The following HIP1R variants were observed in gnomAD, a reference collection of about 807,000 sequenced individuals.
HIP1R encodes huntingtin interacting protein 1 related, also known as huntingtin-interacting protein 1-related protein.
A neutral mutation model predicts 144.2 loss-of-function variants in HIP1R; 135 were observed. The observed-to-expected ratio is 0.94, with a 90% CI of 0.81 to 1.08. The LOEUF (loss-of-function observed/expected upper bound fraction) is 1.08. Ranked by LOEUF, HIP1R falls within the 50% of genes least tolerant of loss-of-function variation. The pLI, the probability that HIP1R is intolerant of heterozygous loss-of-function variation, is 0.00. For missense variants in HIP1R, 1,462 were observed against 1,432.8 expected (o/e 1.02, Z -0.33); for synonymous variants, 698 against 612.8 (o/e 1.14, Z -2.05).
chr12:122,854,574 A>G (rs2033504532), intron 8 of HIP1R, among the ~76,000 whole-genome samples: 1 of 152,170 alleles, frequency 6.6e-6, no homozygotes, highest in African/African-American at 2.4e-5. Flanking sequence ...CCTCGACCGC[A>G]CTTTGAGAAC....
chr12:122,842,538 G>GT (rs1176275101), intron 1 of HIP1R, among the ~76,000 whole-genome samples: 1 of 152,210 alleles, frequency 6.6e-6, no homozygotes, highest in Non-Finnish European at 1.5e-5. Flanking sequence ...GAAGGAAGAT[G>GT]TCCCTGTATT....
At chr12:122,855,208 C>T (rs1402676495) in intron 10 of HIP1R, 57 bp from the exon 11 acceptor site, 67 of 1,610,070 alleles carry the variant, frequency 4.2e-5, no homozygotes, top group Middle Eastern at 3.3e-4. Context: ...ATGGAGATGG[C>T]GGAAGGAGGG....
upstream of HIP1R, chr12:122,834,893 TA>T: frequency 8.5e-7 from 1 of 1,182,424 alleles, no homozygotes; most frequent in Admixed American, 2.3e-5. Flanking sequence ...TTTTGACACA[TA>T]CATTAAGACC....
chr12:122,855,645 T>A, intron 12 of HIP1R, 33 bp downstream of exon 12: 1 of 1,546,714 alleles, frequency 6.5e-7, no homozygotes, highest in East Asian at 2.5e-5. Context: ...GGGCTGGGGG[T>A]GGTTGGAAAC....
chr12:122,856,570 G>C (rs1450924151), intron 16 of HIP1R, 22 bp downstream of exon 16: 1 of 1,598,824 alleles, frequency 6.3e-7, no homozygotes, highest in Admixed American at 1.7e-5. Context: ...GTGGCACAGG[G>C]CCCTGCCCCG....
In HIP1R at chr12:122,861,410, G is replaced by A; in HGVS notation, c.3055G>A (p.Gly1019Arg). ...YVLAGASGSP[G>R]EEVAIRPSTA... ...GCTGGCTGGGGCATCAGGCAGCCCT[G>A]GAGAGGAGGTGGCCATCCGGCCCAG... Residue 1019 changes from glycine (G) to arginine (R), a missense_variant, in exon 31 of 32, where the codon GGA becomes AGA. By Grantham distance (125) the Gly-to-Arg change is moderately radical. Transcript: ENST00000253083. 1.2e-6 allele frequency: 2 copies of A among 1,613,506 alleles called. No homozygotes were observed. Among genetic ancestry groups the A allele is most frequent in the Non-Finnish European group, 8.5e-7 (1 of 1,179,896 alleles).
Position 122,861,731 on chromosome 12 carries a change from C to A in HIP1R, c.3185C>A (p.Pro1062Gln). ...CTTGACAAAAAGGATGGCATCTACC[C>A]AGCTCAACTCGTGAACTACTAGGCC... Reference protein sequence around the residue: ...HQLDKKDGIYPAQLVNY With the variant: ...HQLDKKDGIYQAQLVNY Residue 1062 changes from proline to glutamine, a missense_variant, in exon 32 of 32, where the codon CCA (proline) becomes CAA (glutamine). Pro to Gln is a moderately conservative substitution (Grantham distance 76, BLOSUM62 -1). This residue lies in a region of HIP1R where 1,112 missense variants were observed against 1,011.7 expected (regional missense o/e 1.10). Transcript: ENST00000253083. 6.2e-7 allele frequency: 1 copy of A among 1,614,110 alleles called. No individual in the cohort carries two copies. Among genetic ancestry groups the A allele is most frequent in the Non-Finnish European group, 8.5e-7 (1 of 1,180,008 alleles).
rs1190588018 is a variant in HIP1R at position 122,856,506 on chromosome 12, G to A, written c.1476G>A (p.Leu492=). 1 of 1,596,446 alleles carries A rather than the reference G, an allele frequency of 6.3e-7. No homozygotes were observed. Among genetic ancestry groups the A allele is most frequent in the Non-Finnish European group, 8.5e-7 (1 of 1,170,996 alleles). The stretch of plus-strand genomic sequence containing the variant: ...AGGTGGCGCGGGTGAAGGAGCAGCT[G>A]GCCTTCCAGGTGGAGCAGGTGAAGC... ...QEEVARVKEQ[L]AFQVEQVKRE... is the part of the protein sequence containing the mutation. The change falls in exon 16 of 32, where the codon CTG becomes CTA. Residue 492 remains leucine, a synonymous_variant. Coordinates refer to ENST00000253083, the MANE Select transcript of HIP1R (RefSeq NM_003959.3).
chr12:122,854,948 C>T lies in HIP1R; in HGVS notation c.762C>T (p.His254=), dbSNP rs137994880. 1.1e-4 allele frequency: 185 copies of T among 1,612,042 alleles called. No individual in the cohort carries two copies. The highest frequency in any genetic ancestry group is 1.4e-4 in the Non-Finnish European group (170 of 1,179,428). Residue 254 remains histidine (H), a synonymous_variant, in exon 9 of 32, where the codon CAC becomes CAT. Transcript: ENST00000253083. The stretch of plus-strand genomic sequence containing the variant: ...TGCAAGGCCACAGGGACCGGTTCCA[C>T]GAGCAGTTTCACAGGTACTGCCTGG... ...DTLQGHRDRF[H]EQFHSLRNFF...
At position 122,836,540 on chromosome 12, in the gene HIP1R, G is replaced by A. The variant is rs907415981; in HGVS notation, c.93+897G>A. Among the ~76,000 whole-genome samples the A allele has an allele frequency of 6.6e-6, 1 of 152,128 alleles. No individual in the cohort carries two copies. ...TTTTTATTTTACAAACTCTTGAAGT[G>A]CTCTCAGGCTTGGGGGATGGGCGGT... On this transcript the variant is annotated intron_variant, in intron 1 of 31. Coordinates refer to ENST00000253083, the MANE Select transcript of HIP1R (RefSeq NM_003959.3). This position sits in a 1 kb window ranked among gnomAD's most constrained non-coding sequence, Gnocchi z 4.1.
chr12:122,839,203 G>A (rs2032988735), intron 1 of HIP1R, among the ~76,000 whole-genome samples: 1 of 152,224 alleles, frequency 6.6e-6, no homozygotes. Flanking sequence ...TCAGTTAGGA[G>A]TACTGGAAAT....
rs532201457 is a variant in HIP1R at position 122,840,729 on chromosome 12, T to C, written c.93+5086T>C. ...GGAGAAAAGTGGATCTGCACAGAGGTTGGGGGGACTCAGGCAGGTGGGGAC... is the reference window on the plus strand; with the variant it reads ...GGAGAAAAGTGGATCTGCACAGAGGCTGGGGGGACTCAGGCAGGTGGGGAC... On this transcript the variant is annotated intron_variant, in intron 1 of 31. Coordinates refer to ENST00000253083, the MANE Select transcript of HIP1R (RefSeq NM_003959.3). This position sits in a 1 kb window ranked among gnomAD's most constrained non-coding sequence, Gnocchi z 4.2. Among the ~76,000 whole-genome samples, 1 of 151,702 alleles carries C rather than the reference T, an allele frequency of 6.6e-6. No homozygotes were observed. Among genetic ancestry groups the C allele is most frequent in the African/African-American group, 2.4e-5 (1 of 41,320 alleles).
chr12:122,857,384 C>T (rs994717701), intron 18 of HIP1R, 169 bp downstream of exon 18: 41 of 678,568 alleles, frequency 6.0e-5, no homozygotes, highest in African/African-American at 5.8e-4. Flanking sequence ...CAAGGGTCAC[C>T]ACATCATAGC....
intron 1 of HIP1R, among the ~76,000 whole-genome samples, chr12:122,841,301 G>A (rs1436578842): frequency 6.6e-6 from 1 of 152,252 alleles, no homozygotes; most frequent in African/African-American, 2.4e-5. Context: ...CCAGCAGAGC[G>A]GGAGGAAGCA....
intron 7 of HIP1R, among the ~76,000 whole-genome samples, chr12:122,851,761 C>T (rs1255177399): frequency 6.6e-6 from 1 of 152,070 alleles, no homozygotes; most frequent in Non-Finnish European, 1.5e-5. Context: ...AATGGGGCCT[C>T]CTGGCCCCTC....
At chr12:122,845,046 A>C (rs1321368963) in intron 1 of HIP1R, among the ~76,000 whole-genome samples, 2 of 152,220 alleles carry the variant, frequency 1.3e-5, no homozygotes, top group African/African-American at 4.8e-5. Flanking sequence ...CCCAGAACCA[A>C]GTATTGCTGG....
rs1203116249 is a variant in HIP1R, at chr12:122,861,914, G to A, written c.*161G>A. 4 of 618,094 alleles carry A rather than the reference G, an allele frequency of 6.5e-6. No homozygotes were observed. Among genetic ancestry groups the A allele is most frequent in the East Asian group, 2.9e-5 (1 of 34,742 alleles). The allele number at this position is 618,094 out of a possible 1,614,324, so 38.3% of individuals were successfully genotyped here. A position where few individuals can be genotyped will look rare whatever the true frequency, so the allele number is the denominator to read the frequency against. ...CCCCTGGCCCTTACTGAGCCTGCAG[G>A]GTCCTGGGCCATGTGGGTGGTGCTT... On this transcript the variant is annotated 3_prime_UTR_variant, in exon 32 of 32. Coordinates refer to ENST00000253083, the MANE Select transcript of HIP1R (RefSeq NM_003959.3).
intron 1 of HIP1R, among the ~76,000 whole-genome samples, chr12:122,843,981 T>C (rs547144414): frequency 6.6e-6 from 1 of 152,200 alleles, no homozygotes; most frequent in South Asian, 2.1e-4. Flanking sequence ...GTAACTGGGA[T>C]TACAGGCACA....
chr12:122,857,317 G>A (rs574427139), intron 18 of HIP1R, 102 bp downstream of exon 18: 85 of 1,093,002 alleles, frequency 7.8e-5, no homozygotes, highest in Non-Finnish European at 1.0e-4. Flanking sequence ...TCATGTAAAG[G>A]GGATCATACA....
Sources: gnomAD v4.1 joint callset for allele counts (sites outside exome capture counted in the v4.1 genomes callset) on GRCh38, gnomAD v4.1.1 for gene constraint, gnomAD v4.1.1 regional missense constraint, Gnocchi (gnomAD v3.1) non-coding constraint, MANE v1.5 for transcripts, NCBI Gene and HGNC (gene_info 2026-07-23, HGNC 2026-07-21) for gene names.